INTS8: variants seen among roughly 807,000 people sequenced by gnomAD.
INTS8 encodes the protein protein kaonashi-1.
A neutral mutation model predicts 138.9 loss-of-function variants in INTS8; 47 were observed. That is an observed-to-expected ratio of 0.34 (90% confidence interval 0.27 to 0.43). INTS8 has a LOEUF of 0.43. INTS8 is among the 20% of genes least tolerant of loss of function. The probability of loss-of-function intolerance (pLI) is 1.00; values close to 1 mark genes in which losing one functional copy is unlikely to be tolerated. For synonymous variants in INTS8, 392 were observed against 400.9 expected (o/e 0.98, Z 0.27); for missense variants, 996 against 1,173.0 (o/e 0.85, Z 2.20).
intron 10 of INTS8, among the ~76,000 whole-genome samples, chr8:94,844,422 T>G (rs902876204): frequency 6.6e-6 from 1 of 152,192 alleles, no homozygotes; most frequent in East Asian, 1.9e-4. Context: ...TTTCAAGTGA[T>G]TCTCCGGCCT....
Position 94,881,516 on chromosome 8 carries a change from G to T in INTS8, c.*1282G>T. The T allele has an allele frequency of 2.1e-6, 2 of 935,976 alleles. No individual in the cohort carries two copies. Among genetic ancestry groups the T allele is most frequent in the Non-Finnish European group, 3.2e-6 (2 of 630,072 alleles). The allele number at this position is 935,976 out of a possible 1,614,324, so 58.0% of individuals were successfully genotyped here. A position where few individuals can be genotyped will look rare whatever the true frequency, so the allele number is the denominator to read the frequency against. On this transcript the variant is annotated 3_prime_UTR_variant, in exon 27 of 27. Coordinates refer to ENST00000523731, the MANE Select transcript of INTS8 (RefSeq NM_017864.4). ...TAAAATCAGAATGGCAGTGTAACTT[G>T]TGAATTGGCTAGGGCAATCAATCAC...
chr8:94,850,038 C>G lies in INTS8; in HGVS notation c.1454C>G (p.Ser485Cys). 3 of 1,613,148 alleles carry G rather than the reference C, an allele frequency of 1.9e-6. No homozygotes were observed. The highest frequency in any genetic ancestry group is 2.5e-6 in the Non-Finnish European group (3 of 1,179,408). ...CTTGTTGATCAGATGAGGAAGAGAT[C>G]CCCTAGAGTAAATCTGTGCATTAAA... ...KLLVDQMRKRSPRVNLCIKPV... is the reference protein window; with the variant it reads ...KLLVDQMRKRCPRVNLCIKPV... The change falls in exon 12 of 27, where the codon TCC becomes TGC. Residue 485 changes from serine (S) to cysteine (C), a missense_variant. By Grantham distance (112) the Ser-to-Cys change is moderately radical. Coordinates refer to ENST00000523731, the MANE Select transcript of INTS8 (RefSeq NM_017864.4).
intron 20 of INTS8, among the ~76,000 whole-genome samples, chr8:94,869,813 C>T (rs1264122208): frequency 5.3e-5 from 8 of 152,148 alleles, no homozygotes; most frequent in Non-Finnish European, 8.8e-5. Context: ...TTTTTAGCCT[C>T]TGTAGTATTA....
intron 3 of INTS8, 27 bp downstream of exon 3, chr8:94,827,430 CG>C (rs1814550839): frequency 6.2e-7 from 1 of 1,610,862 alleles, no homozygotes; most frequent in Admixed American, 1.7e-5. Flanking sequence ...ACTCAGAAGG[CG>C]TTGGGCAACC....
intron 15 of INTS8, 60 bp from the exon 16 acceptor site, chr8:94,859,451 C>T (rs1288726687): frequency 1.0e-5 from 16 of 1,529,480 alleles, no homozygotes; most frequent in Non-Finnish European, 1.4e-5. Flanking sequence ...CAAGTATTTG[C>T]TTTGTTCCTA....
chr8:94,851,982 G>A (rs1233905357), intron 13 of INTS8, among the ~76,000 whole-genome samples: 7 of 151,994 alleles, frequency 4.6e-5, no homozygotes, highest in African/African-American at 1.2e-4. Context: ...TCACTCTGTC[G>A]CTCAGGCTGG....
chr8:94,880,582 T>C lies in INTS8; in HGVS notation c.*348T>C. 1 of 332,128 alleles carries C rather than the reference T, an allele frequency of 3.0e-6. No homozygotes were observed. The highest frequency in any genetic ancestry group is 5.3e-6 in the Non-Finnish European group (1 of 187,058). The allele number at this position is 332,128 out of a possible 1,614,324, so 20.6% of individuals were successfully genotyped here. ...ATGTACAGCAAGTTTTCATGTCTTT[T>C]TTTAATAAATAGATTTCTAGGAGTC... is the stretch of plus-strand genomic sequence containing the variant. On this transcript the variant is annotated 3_prime_UTR_variant, in exon 27 of 27. Coordinates refer to ENST00000523731, the MANE Select transcript of INTS8 (RefSeq NM_017864.4).
intron 21 of INTS8, 134 bp downstream of exon 21, chr8:94,872,136 T>C: frequency 1.8e-6 from 1 of 571,298 alleles, no homozygotes. Flanking sequence ...ATTAAAGCAG[T>C]AAAAGTATTT....
At position 94,861,604 on chromosome 8, in the gene INTS8, G is replaced by A. The variant is rs184159862; in HGVS notation, c.2076+1972G>A. The stretch of plus-strand genomic sequence containing the variant: ...TTTTGCTCTTGTTGCCCAGGCTGGC[G>A]TGCAATGGCACGATCTCGGCTCACC... On this transcript the variant is annotated intron_variant, in intron 16 of 26. Transcript: ENST00000523731. 5.0e-3 allele frequency among the ~76,000 whole-genome samples: 727 copies of A among 144,720 alleles called. 8 individuals are homozygous for A. Among genetic ancestry groups the A allele is most frequent in the African/African-American group, 0.017 (643 of 38,862 alleles). 94.9% of individuals were successfully genotyped at this position (144,720 alleles called of 152,430 possible). A position where few individuals can be genotyped will look rare whatever the true frequency, so the allele number is the denominator to read the frequency against.
intron 2 of INTS8, 91 bp from the exon 3 acceptor site, chr8:94,827,172 T>G: frequency 9.1e-7 from 1 of 1,094,616 alleles, no homozygotes; most frequent in Non-Finnish European, 1.4e-6. Flanking sequence ...CTTAACAATG[T>G]AGGTATTTTC....
chr8:94,857,030 G>A (rs776630969), intron 15 of INTS8, 52 bp downstream of exon 15: 5 of 1,272,432 alleles, frequency 3.9e-6, no homozygotes, highest in Non-Finnish European at 5.6e-6. Flanking sequence ...TCACATAATT[G>A]TGGGGGAAAA....
At chr8:94,865,267 T>C (rs1816136866) in intron 16 of INTS8, among the ~76,000 whole-genome samples, 2 of 152,196 alleles carry the variant, frequency 1.3e-5, no homozygotes, top group South Asian at 4.1e-4. Context: ...CATTAGACTA[T>C]AACTGTTCAG....
At chr8:94,862,231 C>G (rs1289469071) in intron 16 of INTS8, among the ~76,000 whole-genome samples, 1 of 152,150 alleles carries the variant, frequency 6.6e-6, no homozygotes, top group Non-Finnish European at 1.5e-5. Flanking sequence ...CATAAGCCAC[C>G]GTGCCCGACC....
rs183207309 is a variant in INTS8 at position 94,839,557 on chromosome 8, C to T, written c.1017+939C>T. Reference sequence around the variant, plus strand: ...GGTGAAGAGAGGAAACAAGATGGCACTTCTTTCCCCTATCTTTGGCCCTTT... The same window carrying T: ...GGTGAAGAGAGGAAACAAGATGGCATTTCTTTCCCCTATCTTTGGCCCTTT... On this transcript the variant is annotated intron_variant, in intron 8 of 26. Coordinates refer to ENST00000523731, the MANE Select transcript of INTS8 (RefSeq NM_017864.4). Among the ~76,000 whole-genome samples, 18 of 152,276 alleles carry T rather than the reference C, an allele frequency of 1.2e-4. No homozygotes were observed. The East Asian group carries it at 3.5e-3, about 29-fold the overall frequency.
chr8:94,849,595 A>C (rs1815457381), intron 11 of INTS8, 63 bp downstream of exon 11: 2 of 993,116 alleles, frequency 2.0e-6, no homozygotes, highest in Admixed American at 4.7e-5. Flanking sequence ...CTGTGAACAA[A>C]ATATCTGTAT....
In INTS8 at chr8:94,881,494, A is replaced by G; in HGVS notation, c.*1260A>G. On this transcript the variant is annotated 3_prime_UTR_variant, in exon 27 of 27. Coordinates refer to ENST00000523731, the MANE Select transcript of INTS8 (RefSeq NM_017864.4). ...CTTTAGTGCCAATTGTAAGTTTTAA[A>G]ATCAGAATGGCAGTGTAACTTGTGA... The G allele has an allele frequency of 1.3e-6, 1 of 764,694 alleles. No individual in the cohort carries two copies. Among genetic ancestry groups the G allele is most frequent in the Non-Finnish European group, 2.1e-6 (1 of 474,860 alleles). The allele number at this position is 764,694 out of a possible 1,614,324, so 47.4% of individuals were successfully genotyped here.
At chr8:94,868,832 A>C (rs1440127388) in intron 20 of INTS8, 1 of 151,644 alleles carries the variant, frequency 6.6e-6, no homozygotes, top group African/African-American at 2.4e-5. Flanking sequence ...CACCACCCCC[A>C]GCTATTTATT....
chr8:94,837,167 G>A (rs1814955135), intron 7 of INTS8, among the ~76,000 whole-genome samples: 1 of 152,192 alleles, frequency 6.6e-6, no homozygotes, highest in Admixed American at 6.5e-5. Flanking sequence ...AGCAGTGAGT[G>A]TTTAACAAAT....
chr8:94,877,526 C>A (rs1253713441), intron 26 of INTS8, among the ~76,000 whole-genome samples: 1 of 152,146 alleles, frequency 6.6e-6, no homozygotes, highest in Non-Finnish European at 1.5e-5. Context: ...TATTTCCAAA[C>A]CACTTCTACT....
Sources: gnomAD v4.1 joint callset for allele counts (sites outside exome capture counted in the v4.1 genomes callset) on GRCh38, gnomAD v4.1.1 for gene constraint, MANE v1.5 for transcripts, NCBI Gene and HGNC (gene_info 2026-07-23, HGNC 2026-07-21) for gene names.